Variants in KCNJ5 observed in about 807,000 individuals in gnomAD.
KCNJ5 encodes the protein G protein-activated inward rectifier potassium channel 4.
In KCNJ5, 12 loss-of-function variants were observed where a neutral mutation model predicts 20.2. The ratio of observed to expected loss-of-function variants is 0.59; its 90% confidence interval spans 0.38 to 0.96. The LOEUF is 0.96. KCNJ5 is among the 40% of genes least tolerant of loss of function. The pLI is 0.00. For missense variants in KCNJ5, 449 were observed against 557.6 expected (o/e 0.81, Z 1.96); for synonymous variants, 210 against 213.9 (o/e 0.98, Z 0.16).
rs1017218595 is a variant in KCNJ5 at position 128,911,614 on chromosome 11, T to C, written c.341T>C (p.Ile114Thr). 3.7e-6 allele frequency: 6 copies of C among 1,614,234 alleles called. No individual in the cohort carries two copies. The highest frequency in any genetic ancestry group is 3.4e-6 in the Non-Finnish European group (4 of 1,180,034). ...FGFIWWLIAY[I>T]RGDLDHVGDQ... ...TTCATTTGGTGGCTCATTGCTTATA[T>C]CCGGGGTGACCTGGACCATGTTGGC... Residue 114 changes from isoleucine to threonine, a missense_variant, in exon 2 of 3, where the codon ATC becomes ACC. Physicochemically the swap from Ile to Thr is moderately conservative, Grantham distance 89. Coordinates refer to ENST00000529694, the MANE Select transcript of KCNJ5 (RefSeq NM_000890.5). The surrounding 1 kb of genome is among the most constrained non-coding windows in gnomAD (Gnocchi z 6.3).
At position 128,916,725 on chromosome 11, in the gene KCNJ5, G is replaced by T; in HGVS notation, c.1254G>T (p.Ser418=). The T allele has an allele frequency of 6.3e-7, 1 of 1,597,628 alleles. No individual in the cohort carries two copies. The highest frequency in any genetic ancestry group is 8.5e-7 in the Non-Finnish European group (1 of 1,172,532). The change falls in exon 3 of 3, where the codon TCG becomes TCT. Residue 418 remains serine, a synonymous_variant. Transcript: ENST00000529694. ...GLGGSREARG[S]V is the part of the protein sequence containing the mutation. ...GTGGGTCCAGGGAGGCCAGGGGCTC[G>T]GTGTGAGGGGTGCAGCCTCCCTAAG...
At chr11:128,914,205 G>C (rs938757517) in intron 2 of KCNJ5, among the ~76,000 whole-genome samples, 32 of 152,252 alleles carry the variant, frequency 2.1e-4, no homozygotes, top group Admixed American at 2.0e-3. Context: ...CCACAAAAAA[G>C]GGATTGGGTG....
rs1263356004 is a variant in KCNJ5, at chr11:128,891,451, G to A, written c.-281G>A. On this transcript the variant is annotated 5_prime_UTR_variant, in exon 1 of 3. Transcript: ENST00000529694. The stretch of plus-strand genomic sequence containing the variant: ...ACACACACACACACACAGAGAGAGA[G>A]AGAGAGAGAGAGAGAGAGAGAGAGA... 1 of 149,056 alleles carries A rather than the reference G, an allele frequency of 6.7e-6. No individual in the cohort carries two copies. The highest frequency in any genetic ancestry group is 2.5e-5 in the African/African-American group (1 of 39,862). 9.2% of individuals were successfully genotyped at this position (149,056 alleles called of 1,614,324 possible). A position where few individuals can be genotyped will look rare whatever the true frequency, so the allele number is the denominator to read the frequency against.
intron 1 of KCNJ5, among the ~76,000 whole-genome samples, chr11:128,893,715 C>T (rs910645364): frequency 6.6e-6 from 1 of 152,042 alleles, no homozygotes; most frequent in Non-Finnish European, 1.5e-5. Flanking sequence ...GGGGTCAAAG[C>T]GAACCTGGGC....
rs1241878489 is a variant in KCNJ5, at chr11:128,891,429, CACACACACACACAGAGAGAGAGAGAG to C, written c.-301_-276del. ...ACACACACACACACACACACACACA[CACACACACACACAGAGAGAGAGAGAG>C]AGAGAGAGAGAGAGAGAGAGATTGT... On this transcript the variant is annotated 5_prime_UTR_variant, in exon 1 of 3. Transcript: ENST00000529694. The C allele has an allele frequency of 1.5e-3, 157 of 101,356 alleles. No individual in the cohort carries two copies. Among genetic ancestry groups the C allele is most frequent in the African/African-American group, 6.7e-3 (153 of 22,738 alleles). 6.3% of individuals were successfully genotyped at this position (101,356 alleles called of 1,614,324 possible).
chr11:128,897,751 TC>T (rs552499347), intron 1 of KCNJ5, among the ~76,000 whole-genome samples: 66 of 152,348 alleles, frequency 4.3e-4, no homozygotes, highest in Admixed American at 8.5e-4. Context: ...GAAGAGTGTC[TC>T]CCATGTTTTT....
At chr11:128,897,350 G>A (rs1225467389) in intron 1 of KCNJ5, among the ~76,000 whole-genome samples, 2 of 151,812 alleles carry the variant, frequency 1.3e-5, no homozygotes, top group South Asian at 2.1e-4. Context: ...TGCCCACCTC[G>A]GCCTCCCAAA....
At position 128,916,625 on chromosome 11, in the gene KCNJ5, T is replaced by G. The variant is rs746137564; in HGVS notation, c.1154T>G (p.Leu385Arg). The G allele has an allele frequency of 1.2e-6, 2 of 1,612,878 alleles. No individual in the cohort carries two copies. The highest frequency in any genetic ancestry group is 1.7e-6 in the Non-Finnish European group (2 of 1,178,978). Residue 385 changes from leucine (L) to arginine (R), a missense_variant, in exon 3 of 3, where the codon CTG (leucine) becomes CGG (arginine). Leu to Arg is a moderately radical substitution (Grantham distance 102). Transcript: ENST00000529694. ...RLLQYLPSPP[L>R]LGGCAEAGLD... ...CTCCAGTACCTCCCCAGCCCCCCAC[T>G]GCTGGGGGGCTGTGCTGAGGCAGGG...
intron 1 of KCNJ5, among the ~76,000 whole-genome samples, chr11:128,906,588 C>T (rs1449147472): frequency 6.6e-6 from 1 of 152,206 alleles, no homozygotes; most frequent in Non-Finnish European, 1.5e-5. Context: ...CTGAGGTCCT[C>T]ACTTTTTTGC....
At chr11:128,905,915 T>C (rs536247492) in intron 1 of KCNJ5, 6 of 152,280 alleles carry the variant, frequency 3.9e-5, no homozygotes, top group Admixed American at 3.9e-4. Flanking sequence ...CTCACCTGTT[T>C]TCCCCTTTTG....
chr11:128,892,442 G>C (rs1944109420), intron 1 of KCNJ5, among the ~76,000 whole-genome samples: 3 of 152,170 alleles, frequency 2.0e-5, no homozygotes, highest in South Asian at 4.1e-4. Flanking sequence ...GGGCTGTGGA[G>C]GGCCTCAGGT....
rs774837579 is a variant in KCNJ5, at chr11:128,917,726, T to C, written c.*995T>C. On this transcript the variant is annotated 3_prime_UTR_variant, in exon 3 of 3. Transcript: ENST00000529694. ...GAGCCAGTTGGCCCTGAAACAGGAA[T>C]GGGGCAAAGAGAAAGGAGAGCCAGG... is the stretch of plus-strand genomic sequence containing the variant. 6.6e-6 allele frequency: 1 copy of C among 152,274 alleles called. No homozygotes were observed. The highest frequency in any genetic ancestry group is 2.4e-5 in the African/African-American group (1 of 41,416). 9.4% of individuals were successfully genotyped at this position (152,274 alleles called of 1,614,324 possible).
chr11:128,900,567 G>A (rs1285603388), intron 1 of KCNJ5: 2 of 152,236 alleles, frequency 1.3e-5, no homozygotes, highest in Non-Finnish European at 2.9e-5. Context: ...CTCACCTTCT[G>A]TTGCCCCATT....
At chr11:128,894,154 T>C (rs1382765833) in intron 1 of KCNJ5, among the ~76,000 whole-genome samples, 1 of 150,902 alleles carries the variant, frequency 6.6e-6, no homozygotes, top group Non-Finnish European at 1.5e-5. Flanking sequence ...TGCTTTCATG[T>C]ACTTGAAAAC....
In KCNJ5 at chr11:128,916,415, C is replaced by T; in HGVS notation, c.944C>T (p.Thr315Ile). The change falls in exon 3 of 3, where the codon ACC (threonine) becomes ATC (isoleucine). Residue 315 changes from threonine (T) to isoleucine (I), a missense_variant. Thr to Ile is a moderately conservative substitution (Grantham distance 89). Transcript: ENST00000529694. ...GTAACTTCCGTTTCCCCAGGCATGA[C>T]CTGCCAAGCCCGGAGCTCCTACATG... ...LEGMVEATGM[T>I]CQARSSYMDT... 1 of 1,613,992 alleles carries T rather than the reference C, an allele frequency of 6.2e-7. No homozygotes were observed.
At chr11:128,892,609 C>A (rs1201258877) in intron 1 of KCNJ5, among the ~76,000 whole-genome samples, 2 of 152,216 alleles carry the variant, frequency 1.3e-5, no homozygotes, top group Admixed American at 6.5e-5. Context: ...CTGAGATTAT[C>A]ATCCTCATTC....
At chr11:128,907,431 A>G (rs1944436918) in intron 1 of KCNJ5, among the ~76,000 whole-genome samples, 1 of 152,232 alleles carries the variant, frequency 6.6e-6, no homozygotes, top group Non-Finnish European at 1.5e-5. Flanking sequence ...TCAGAGGTCC[A>G]TCTAAATGGA....
At chr11:128,915,847 G>GGATGACTGGATGGA in intron 2 of KCNJ5, among the ~76,000 whole-genome samples, 2 of 150,466 alleles carry the variant, frequency 1.3e-5, no homozygotes, top group Admixed American at 1.3e-4. Flanking sequence ...GACTGGATGG[G>GGATGACTGGATGGA]TGGACGATTA....
At chr11:128,894,232 T>C (rs1944137611) in intron 1 of KCNJ5, among the ~76,000 whole-genome samples, 1 of 152,136 alleles carries the variant, frequency 6.6e-6, no homozygotes, top group Non-Finnish European at 1.5e-5. Flanking sequence ...TCACCTATCA[T>C]GTGCCAGCAA....
Sources: gnomAD v4.1 joint callset for allele counts (sites outside exome capture counted in the v4.1 genomes callset) on GRCh38, gnomAD v4.1.1 for gene constraint, Gnocchi (gnomAD v3.1) non-coding constraint, MANE v1.5 for transcripts, NCBI Gene and HGNC (gene_info 2026-07-23, HGNC 2026-07-21) for gene names.